Variants in CSMD1 observed in about 807,000 individuals in gnomAD.
The protein encoded by CSMD1 is CUB and Sushi multiple domains 1.
Under a neutral mutation model 417.5 loss-of-function variants are expected in CSMD1, and 213 were observed. The observed-to-expected ratio is 0.51, with a 90% confidence interval of 0.46 to 0.57. The LOEUF (loss-of-function observed/expected upper bound fraction) is 0.57. Among genes scored for constraint, CSMD1 ranks in the 20% least tolerant of loss-of-function variants. The pLI is 0.00. For synonymous variants in CSMD1, 2,862 were observed against 1,736.8 expected (o/e 1.65, Z -16.11); for missense variants, 6,923 against 4,529.7 (o/e 1.53, Z -15.17).
rs571845326 is a variant in CSMD1 at position 4,739,982 on chromosome 8, C to T, written c.86-102424G>A. Among the ~76,000 whole-genome samples the T allele has an allele frequency of 3.3e-5, 5 of 152,214 alleles. No homozygotes were observed. The South Asian group carries it at 8.3e-4, about 25-fold the overall frequency. ...CTAGGGAAATAGCTGACTGGCCAGCCGCCTGCCCAGGCATCTTCCTTTCCC... is the reference window on the plus strand; with the variant it reads ...CTAGGGAAATAGCTGACTGGCCAGCTGCCTGCCCAGGCATCTTCCTTTCCC... On this transcript the variant is annotated intron_variant, in intron 1 of 69. Transcript: ENST00000635120.
At chr8:3,196,316 C>A (rs1222209891) in intron 33 of CSMD1, among the ~76,000 whole-genome samples, 3 of 152,142 alleles carry the variant, frequency 2.0e-5, no homozygotes, top group Non-Finnish European at 2.9e-5. Context: ...AATAATCCAT[C>A]CCTCATTTAG....
At chr8:4,010,369 T>C (rs903987081) in intron 4 of CSMD1, among the ~76,000 whole-genome samples, 9 of 152,134 alleles carry the variant, frequency 5.9e-5, no homozygotes, top group Non-Finnish European at 1.3e-4. Flanking sequence ...AGATTTAAAC[T>C]TCGGGCCCTC....
At chr8:4,292,876 G>C (rs779887636) in intron 3 of CSMD1, among the ~76,000 whole-genome samples, 2 of 152,096 alleles carry the variant, frequency 1.3e-5, no homozygotes, top group Non-Finnish European at 2.9e-5. Flanking sequence ...TAATTTAAAA[G>C]GCTTTTTGTA....
chr8:3,338,655 G>A (rs192906666), intron 23 of CSMD1, among the ~76,000 whole-genome samples: 1 of 152,196 alleles, frequency 6.6e-6, no homozygotes, highest in African/African-American at 2.4e-5. Context: ...TCATTTTCAG[G>A]GCTGGCCAGT....
At chr8:3,421,530 G>C (rs534767391) in intron 12 of CSMD1, among the ~76,000 whole-genome samples, 1 of 152,196 alleles carries the variant, frequency 6.6e-6, no homozygotes, top group Non-Finnish European at 1.5e-5. Context: ...CAATTTTGTA[G>C]ACTTTAGTAA....
chr8:4,607,933 C>T (rs1205307094), intron 2 of CSMD1, among the ~76,000 whole-genome samples: 1 of 152,172 alleles, frequency 6.6e-6, no homozygotes, highest in Non-Finnish European at 1.5e-5. Flanking sequence ...GTGTTGAGGT[C>T]TCACTGACAT....
At chr8:3,679,812 G>T (rs575994368) in intron 7 of CSMD1, among the ~76,000 whole-genome samples, 1 of 152,096 alleles carries the variant, frequency 6.6e-6, no homozygotes, top group Non-Finnish European at 1.5e-5. Flanking sequence ...AAATGTAAAA[G>T]AAGCGAAATT....
intron 1 of CSMD1, among the ~76,000 whole-genome samples, chr8:4,880,184 C>T (rs1803302478): frequency 6.7e-6 from 1 of 150,334 alleles, no homozygotes; most frequent in Non-Finnish European, 1.5e-5. Context: ...ATTTCTCTTT[C>T]AGGAGAGAGT....
At chr8:4,867,786 T>A (rs1802504676) in intron 1 of CSMD1, among the ~76,000 whole-genome samples, 1 of 152,086 alleles carries the variant, frequency 6.6e-6, no homozygotes, top group South Asian at 2.1e-4. Context: ...AGTGTTTTGA[T>A]CCCTCTAATA....
chr8:3,745,791 G>A (rs538601119), intron 6 of CSMD1, among the ~76,000 whole-genome samples: 2 of 152,342 alleles, frequency 1.3e-5, no homozygotes, highest in Admixed American at 6.5e-5. Flanking sequence ...AAGAGAACAA[G>A]CAATGTAACC....
In CSMD1 at chr8:3,308,492, C is replaced by T; in HGVS notation, c.3643G>A (p.Val1215Ile). ...FQLTYTSFDL[V>I]KCEDPGIPNY... Reference sequence around the variant, plus strand: ...GGGATGCCCGGATCCTCACATTTTACCAGATCAAAACCTGCAAGAGAGAAA... The same window carrying T: ...GGGATGCCCGGATCCTCACATTTTATCAGATCAAAACCTGCAAGAGAGAAA... The change falls in exon 24 of 70, where the codon GTA (valine) becomes ATA (isoleucine). Residue 1215 changes from valine to isoleucine, a missense_variant. Coordinates refer to ENST00000635120, the MANE Select transcript of CSMD1 (RefSeq NM_033225.6). 1 of 1,611,704 alleles carries T rather than the reference C, an allele frequency of 6.2e-7. No homozygotes were observed. The highest frequency in any genetic ancestry group is 8.5e-7 in the Non-Finnish European group (1 of 1,178,528).
chr8:3,386,817 C>A (rs977904514), intron 18 of CSMD1, among the ~76,000 whole-genome samples: 2 of 152,060 alleles, frequency 1.3e-5, no homozygotes, highest in African/African-American at 2.4e-5. Flanking sequence ...TATTCATGGT[C>A]AAGGGCAAAA....
intron 1 of CSMD1, among the ~76,000 whole-genome samples, chr8:4,921,732 A>G (rs1216331264): frequency 1.3e-5 from 2 of 152,102 alleles, no homozygotes; most frequent in Non-Finnish European, 1.5e-5. Flanking sequence ...CTAAGACAAA[A>G]TGTGTTCCTT....
intron 1 of CSMD1, among the ~76,000 whole-genome samples, chr8:4,710,636 G>A (rs534403463): frequency 1.3e-5 from 2 of 151,284 alleles, no homozygotes; most frequent in Non-Finnish European, 2.9e-5. Context: ...ACAAGCTCAG[G>A]AGATGGAGAC....
rs557838511 is a variant in CSMD1 at position 3,067,031 on chromosome 8, C to A, written c.7475-14384G>T. ...GAGGTTAACTGATTTACCACCCCTC[C>A]TTCAACCTCATCTCTTTCGCTCAGC... On this transcript the variant is annotated intron_variant, in intron 49 of 69. Transcript: ENST00000635120. Among the ~76,000 whole-genome samples the A allele has an allele frequency of 6.6e-5, 10 of 152,234 alleles. No individual in the cohort carries two copies. In the South Asian group the frequency reaches 2.1e-3, roughly 32 times the overall value.
intron 23 of CSMD1, among the ~76,000 whole-genome samples, chr8:3,322,895 T>C (rs1806247594): frequency 6.6e-6 from 1 of 152,260 alleles, no homozygotes; most frequent in African/African-American, 2.4e-5. Context: ...TAGGAAGTGC[T>C]GTGATTCCTA....
intron 30 of CSMD1, among the ~76,000 whole-genome samples, chr8:3,211,642 C>A (rs559781677): frequency 6.6e-6 from 1 of 152,198 alleles, no homozygotes; most frequent in Non-Finnish European, 1.5e-5. Flanking sequence ...CTCAGCCCTG[C>A]GAGTCTTGTC....
intron 7 of CSMD1, among the ~76,000 whole-genome samples, chr8:3,684,093 G>A (rs1234044648): frequency 6.9e-6 from 1 of 145,390 alleles, no homozygotes; most frequent in Non-Finnish European, 1.5e-5. Context: ...AACTTTAAAT[G>A]TATAGATATT....
intron 3 of CSMD1, among the ~76,000 whole-genome samples, chr8:4,270,867 C>G (rs1238296437): frequency 6.6e-6 from 1 of 152,148 alleles, no homozygotes; most frequent in Non-Finnish European, 1.5e-5. Context: ...CTTGAAATCC[C>G]CCTCTGAGGA....
Sources: gnomAD v4.1 joint callset for allele counts (sites outside exome capture counted in the v4.1 genomes callset) on GRCh38, gnomAD v4.1.1 for gene constraint, MANE v1.5 for transcripts, NCBI Gene and HGNC (gene_info 2026-07-23, HGNC 2026-07-21) for gene names.